The following LOC128092252 variants were observed in gnomAD, a reference collection of about 807,000 sequenced individuals.
At chr15:50,684,817 G>A in the LOC128092252 span, among the ~76,000 whole-genome samples, 1 of 152,166 alleles carries the variant, frequency 6.6e-6, no homozygotes, top group Non-Finnish European at 1.5e-5. Context: ...AGGTACTAGA[G>A]ACTGAAAGAG....
the LOC128092252 span, among the ~76,000 whole-genome samples, chr15:50,651,845 C>T: frequency 4.0e-3 from 615 of 151,910 alleles, 5 homozygotes; most frequent in African/African-American, 0.014. Flanking sequence ...TGAGATCGCG[C>T]CACTGCACAT....
At chr15:50,685,787 C>T in the LOC128092252 span, among the ~76,000 whole-genome samples, 1 of 152,186 alleles carries the variant, frequency 6.6e-6, no homozygotes, top group Non-Finnish European at 1.5e-5. Context: ...GCCTCCCTCT[C>T]TCCATTCCGC....
the LOC128092252 span, among the ~76,000 whole-genome samples, chr15:50,680,940 G>A: frequency 6.6e-6 from 1 of 152,106 alleles, no homozygotes; most frequent in East Asian, 1.9e-4. Context: ...TGACATCACA[G>A]AATTTTCCTG....
At chr15:50,673,387 C>T in the LOC128092252 span, among the ~76,000 whole-genome samples, 1 of 152,118 alleles carries the variant, frequency 6.6e-6, no homozygotes, top group East Asian at 1.9e-4. Context: ...GTACACACTG[C>T]ACCCTATTTG....
chr15:50,660,837 A>C, the LOC128092252 span, among the ~76,000 whole-genome samples: 7 of 152,238 alleles, frequency 4.6e-5, no homozygotes, highest in Non-Finnish European at 7.3e-5. Context: ...TTAAATATAA[A>C]AAAGGTTTTA....
chr15:50,668,167 T>C, the LOC128092252 span, among the ~76,000 whole-genome samples: 37 of 152,192 alleles, frequency 2.4e-4, no homozygotes, highest in Non-Finnish European at 3.8e-4. Flanking sequence ...CAGGTGCTCT[T>C]AAATGCAGGT....
At chr15:50,655,932 G>A in the LOC128092252 span, among the ~76,000 whole-genome samples, 1 of 151,668 alleles carries the variant, frequency 6.6e-6, no homozygotes, top group Non-Finnish European at 1.5e-5. Context: ...AAAGGTTGCT[G>A]TGAGCTGAGA....
chr15:50,679,987 AC>A, the LOC128092252 span, among the ~76,000 whole-genome samples: 8 of 150,980 alleles, frequency 5.3e-5, no homozygotes, highest in Non-Finnish European at 7.4e-5. Context: ...TAATCCCAGC[AC>A]TTTGGGGGGC....
chr15:50,679,663 G>T, the LOC128092252 span, among the ~76,000 whole-genome samples: 1 of 149,816 alleles, frequency 6.7e-6, no homozygotes, highest in Non-Finnish European at 1.5e-5. Context: ...AGTCTCACAA[G>T]GAGCTGGGAT....
the LOC128092252 span, among the ~76,000 whole-genome samples, chr15:50,663,503 G>C: frequency 6.6e-6 from 1 of 151,984 alleles, no homozygotes; most frequent in African/African-American, 2.4e-5. Context: ...ACCCCAAAAC[G>C]TCAGAATAAT....
At chr15:50,662,210 G>T in the LOC128092252 span, among the ~76,000 whole-genome samples, 1 of 152,030 alleles carries the variant, frequency 6.6e-6, no homozygotes, top group African/African-American at 2.4e-5. Context: ...AAATTTAGCC[G>T]GCTGTGGTGG....
the LOC128092252 span, among the ~76,000 whole-genome samples, chr15:50,666,836 C>A: frequency 6.6e-6 from 1 of 151,922 alleles, no homozygotes; most frequent in Non-Finnish European, 1.5e-5. Flanking sequence ...GGTGGCAGCA[C>A]AAGTAATAGT....
chr15:50,673,986 T>C, the LOC128092252 span, among the ~76,000 whole-genome samples: 21 of 152,034 alleles, frequency 1.4e-4, no homozygotes, highest in East Asian at 2.5e-3. Flanking sequence ...TATTGCATTC[T>C]GGTTTTCTGT....
chr15:50,681,190 G>A, the LOC128092252 span, among the ~76,000 whole-genome samples: 6 of 151,942 alleles, frequency 3.9e-5, no homozygotes, highest in African/African-American at 9.7e-5. Flanking sequence ...GGCAGAGGTT[G>A]CAGTGAGCCA....
the LOC128092252 span, among the ~76,000 whole-genome samples, chr15:50,662,724 GA>G: frequency 6.6e-6 from 1 of 152,174 alleles, no homozygotes; most frequent in Non-Finnish European, 1.5e-5. Flanking sequence ...GGAGTTTAGA[GA>G]TGGAGGAACA....
At chr15:50,670,716 C>G in the LOC128092252 span, among the ~76,000 whole-genome samples, 1 of 151,760 alleles carries the variant, frequency 6.6e-6, no homozygotes, top group African/African-American at 2.4e-5. Context: ...CAACCAGCAG[C>G]CCTCAGGACT....
At chr15:50,682,304 G>A in the LOC128092252 span, among the ~76,000 whole-genome samples, 3 of 151,442 alleles carry the variant, frequency 2.0e-5, no homozygotes, top group East Asian at 3.9e-4. Context: ...AAACCCCTAC[G>A]TGGACAGAAA....
the LOC128092252 span, among the ~76,000 whole-genome samples, chr15:50,669,683 T>G: frequency 0.017 from 2,566 of 152,300 alleles, 34 homozygotes; most frequent in South Asian, 0.038. Flanking sequence ...TACCTGTCAG[T>G]AGATTCTAGT....
chr15:50,663,952 G>C, the LOC128092252 span, among the ~76,000 whole-genome samples: 2 of 150,750 alleles, frequency 1.3e-5, no homozygotes, highest in Non-Finnish European at 3.0e-5. Context: ...GAAAGAGTGA[G>C]AGACTCTGTC....
Sources: gnomAD v4.1 joint callset for allele counts (sites outside exome capture counted in the v4.1 genomes callset) on GRCh38, gnomAD v4.1.1 for gene constraint, MANE v1.5 for transcripts.